The following ATP2B2 variants were observed in gnomAD, a reference collection of about 807,000 sequenced individuals.
ATP2B2 encodes the protein ATPase plasma membrane Ca2+ transporting 2, also known as plasma membrane calcium-transporting ATPase 2.
A neutral mutation model predicts 120.0 loss-of-function variants in ATP2B2; 15 were observed. That is an observed-to-expected ratio of 0.12 (90% confidence interval 0.08 to 0.19). The LOEUF (loss-of-function observed/expected upper bound fraction) is 0.19. Among genes scored for constraint, ATP2B2 ranks in the 10% least tolerant of loss-of-function variants. The pLI is 1.00. For synonymous variants in ATP2B2, 694 were observed against 700.3 expected (o/e 0.99, Z 0.14); for missense variants, 1,045 against 1,719.8 (o/e 0.61, Z 6.94).
chr3:10,463,600 T>C (rs568954813), intron 1 of ATP2B2, among the ~76,000 whole-genome samples: 7 of 152,196 alleles, frequency 4.6e-5, no homozygotes, highest in Non-Finnish European at 1.0e-4. Context: ...AATTGTTGGA[T>C]TGGAGCCCAG....
intron 1 of ATP2B2, among the ~76,000 whole-genome samples, chr3:10,628,913 T>C (rs1255764508): frequency 6.6e-6 from 1 of 152,234 alleles, no homozygotes; most frequent in African/African-American, 2.4e-5. Context: ...TATATAACCT[T>C]GTTTTAAGTA....
intron 2 of ATP2B2, among the ~76,000 whole-genome samples, chr3:10,549,823 G>C (rs11720603): frequency 0.54 from 82,055 of 151,984 alleles, 22,331 homozygotes; most frequent in East Asian, 0.69. Context: ...GAAAAGTGAA[G>C]AGTACAGCAC....
At chr3:10,333,504 G>A (rs1559520930) in intron 22 of ATP2B2, among the ~76,000 whole-genome samples, 1 of 152,098 alleles carries the variant, frequency 6.6e-6, no homozygotes, top group Non-Finnish European at 1.5e-5. Flanking sequence ...ACCAGAGGAG[G>A]CAGCACTGTT....
intron 22 of ATP2B2, among the ~76,000 whole-genome samples, chr3:10,331,079 G>C (rs1310931053): frequency 1.5e-4 from 23 of 152,186 alleles, no homozygotes; most frequent in Admixed American, 1.5e-3. Flanking sequence ...TGGGACTCCA[G>C]GGTACCCCAC....
chr3:10,385,165 C>T (rs576517615), intron 8 of ATP2B2, 103 bp downstream of exon 8: 166 of 1,190,612 alleles, frequency 1.4e-4, no homozygotes, highest in Middle Eastern at 4.5e-4. Flanking sequence ...CATGCACATC[C>T]GAGATCTGTG....
intron 1 of ATP2B2, among the ~76,000 whole-genome samples, chr3:10,498,532 G>T (rs532505827): frequency 6.6e-6 from 1 of 152,368 alleles, no homozygotes; most frequent in African/African-American, 2.4e-5. Flanking sequence ...CCTTGGGCCT[G>T]CAAGGCAGGT....
chr3:10,693,577 G>C (rs1347802793), intron 1 of ATP2B2, among the ~76,000 whole-genome samples: 1 of 152,200 alleles, frequency 6.6e-6, no homozygotes, highest in African/African-American at 2.4e-5. Flanking sequence ...CGTAACAAAC[G>C]CCTGATTCTG....
At chr3:10,503,599 G>C (rs2066481334) in intron 1 of ATP2B2, among the ~76,000 whole-genome samples, 1 of 152,256 alleles carries the variant, frequency 6.6e-6, no homozygotes. Context: ...GGGGGCGGGT[G>C]TGTGCACGCA....
chr3:10,537,813 G>A (rs890030931), intron 2 of ATP2B2, among the ~76,000 whole-genome samples: 3 of 152,152 alleles, frequency 2.0e-5, no homozygotes, highest in African/African-American at 7.2e-5. Flanking sequence ...CTTTATCAAG[G>A]TGAGGAAGTT....
chr3:10,358,820 G>A lies in ATP2B2; in HGVS notation c.2007C>T (p.Leu669=), dbSNP rs1194150024. The change falls in exon 14 of 23, where the codon CTC becomes CTT. Residue 669 remains leucine (L), a synonymous_variant. Coordinates refer to ENST00000360273, the MANE Select transcript of ATP2B2 (RefSeq NM_001001331.4). ...CGCGGTAGGCCACGCAGATAGTGCG[G>A]AGCCCATCGCAAGCCATGGGCTCAA... ...KVIEPMACDG[L]RTICVAYRDF... is the part of the protein sequence containing the mutation. 6.2e-7 allele frequency: 1 copy of A among 1,614,226 alleles called. No homozygotes were observed.
intron 2 of ATP2B2, among the ~76,000 whole-genome samples, chr3:10,617,757 T>C (rs562633793): frequency 2.6e-5 from 4 of 152,316 alleles, no homozygotes; most frequent in African/African-American, 7.2e-5. Context: ...GATCCAGCCC[T>C]GGTGTCCTGT....
At chr3:10,445,792 T>A (rs28835) in intron 2 of ATP2B2, among the ~76,000 whole-genome samples, 101,398 of 152,030 alleles carry the variant, frequency 0.67, 37,074 homozygotes, top group Non-Finnish European at 0.82. Context: ...AGATTAGGGG[T>A]AGGGGGTGTC....
At chr3:10,459,058 C>T (rs1486430712) in intron 1 of ATP2B2, among the ~76,000 whole-genome samples, 1 of 152,198 alleles carries the variant, frequency 6.6e-6, no homozygotes, top group African/African-American at 2.4e-5. Flanking sequence ...TTGTGTCTAG[C>T]AGAAATGGAC....
chr3:10,505,166 G>T (rs929543434), intron 1 of ATP2B2, among the ~76,000 whole-genome samples: 1 of 152,040 alleles, frequency 6.6e-6, no homozygotes, highest in East Asian at 1.9e-4. Flanking sequence ...CTGAGACCCT[G>T]GGCATCCGCT....
At chr3:10,481,640 A>G (rs34886) in intron 1 of ATP2B2, among the ~76,000 whole-genome samples, 72,382 of 151,992 alleles carry the variant, frequency 0.48, 18,443 homozygotes, top group Non-Finnish European at 0.57. Flanking sequence ...TGCAACCTCC[A>G]CCTCCTGGGT....
intron 2 of ATP2B2, among the ~76,000 whole-genome samples, chr3:10,586,505 TAG>T: frequency 6.6e-6 from 1 of 152,106 alleles, no homozygotes; most frequent in Non-Finnish European, 1.5e-5. Flanking sequence ...AGAAGGCCAG[TAG>T]AGAGAGTGAC....
intron 2 of ATP2B2, among the ~76,000 whole-genome samples, chr3:10,552,612 T>G (rs949131085): frequency 2.0e-5 from 3 of 152,252 alleles, no homozygotes; most frequent in African/African-American, 7.2e-5. Context: ...ATTTGCTTCC[T>G]TCCATCCTCA....
rs375286765 is a variant in ATP2B2 at position 10,688,558 on chromosome 3, T to C, written c.-460+19357A>G. 2.0e-5 allele frequency among the ~76,000 whole-genome samples: 3 copies of C among 152,354 alleles called. No homozygotes were observed. In the East Asian group the frequency reaches 5.8e-4, roughly 29 times the overall value. On this transcript the variant is annotated intron_variant, in intron 1 of 21. Transcript: ENST00000646379. ...ATTTTAGTTATAGATGTGTCCCTGT[T>C]GGCTTGTGCCAAATGACCCAGGTCC... is the stretch of plus-strand genomic sequence containing the variant.
chr3:10,568,105 G>A (rs1204849613), intron 2 of ATP2B2, among the ~76,000 whole-genome samples: 4 of 152,192 alleles, frequency 2.6e-5, no homozygotes, highest in South Asian at 2.1e-4. Flanking sequence ...CAAAGAGGGC[G>A]AGCCTGGTCC....
Sources: allele counts gnomAD v4.1 joint callset (sites outside exome capture counted in the v4.1 genomes callset), GRCh38; gene constraint gnomAD v4.1.1; transcripts MANE v1.5; gene names NCBI Gene and HGNC (gene_info 2026-07-23, HGNC 2026-07-21).